Variants in TBL1X observed in about 807,000 individuals in gnomAD.
TBL1X encodes the protein transducin beta like 1 X-linked.
TBL1X carries 10 observed loss-of-function variants against 50.7 expected under a neutral mutation model. The observed-to-expected ratio is 0.20, with a 90% CI of 0.12 to 0.33. TBL1X has a LOEUF of 0.33. Ranked by LOEUF, TBL1X falls within the 10% of genes least tolerant of loss-of-function variation. The pLI, the probability that TBL1X is intolerant of heterozygous loss-of-function variation, is 1.00. For missense variants in TBL1X, 340 were observed against 504.4 expected, an observed-to-expected ratio of 0.67 and a Z score of 3.12; for synonymous variants, 190 against 214.7, an observed-to-expected ratio of 0.88 and a Z score of 1.01.
chrX:9,585,350 G>A (rs867240262), intron 2 of TBL1X, among the ~76,000 whole-genome samples: 8 of 28,680 alleles, frequency 2.8e-4, no homozygotes, highest in Non-Finnish European at 4.0e-4. Context: ...TCCCCCCCCC[G>A]CCACAGCTTG....
At chrX:9,518,648 C>T (rs985469310) in intron 2 of TBL1X, among the ~76,000 whole-genome samples, 4 of 111,494 alleles carry the variant, frequency 3.6e-5, no homozygotes, top group Middle Eastern at 4.2e-3. Flanking sequence ...AGGTGTGGGT[C>T]ACCTCTGTGC....
chrX:9,536,236 C>T (rs1024951910), intron 2 of TBL1X, among the ~76,000 whole-genome samples: 1 of 106,602 alleles, frequency 9.4e-6, no homozygotes, highest in Non-Finnish European at 1.9e-5. Context: ...TCTTGTTTGC[C>T]CCAGCATCAG....
chrX:9,596,147 G>C (rs998902943), intron 2 of TBL1X, among the ~76,000 whole-genome samples: 3 of 112,257 alleles, frequency 2.7e-5, no homozygotes, highest in African/African-American at 9.7e-5. Context: ...CCAAACTGTT[G>C]TATTAGCCAG....
chrX:9,609,032 G>T (rs2082598573), intron 2 of TBL1X, among the ~76,000 whole-genome samples: 1 of 111,896 alleles, frequency 8.9e-6, no homozygotes, highest in African/African-American at 3.2e-5. Flanking sequence ...GGGTTGGTCA[G>T]TATATACCTA....
chrX:9,503,639 A>G (rs2146952299), intron 2 of TBL1X, among the ~76,000 whole-genome samples: 1 of 113,390 alleles, frequency 8.8e-6, no homozygotes, highest in East Asian at 2.8e-4. Context: ...CCCACAGCCC[A>G]ACACACTGGC....
At chrX:9,544,484 T>G (rs75761738) in intron 2 of TBL1X, among the ~76,000 whole-genome samples, 1 of 106,829 alleles carries the variant, frequency 9.4e-6, no homozygotes, top group Non-Finnish European at 1.9e-5. Flanking sequence ...AGTGAGTGGG[T>G]TTTTTTTTTT....
intron 17 of TBL1X, among the ~76,000 whole-genome samples, chrX:9,715,921 G>T (rs1275867460): frequency 8.9e-6 from 1 of 112,300 alleles, no homozygotes; most frequent in South Asian, 3.7e-4. Flanking sequence ...ATTGTCATCT[G>T]CCCCACGATT....
At chrX:9,491,793 C>T (rs1439379965) in intron 1 of TBL1X, among the ~76,000 whole-genome samples, 1 of 110,783 alleles carries the variant, frequency 9.0e-6, no homozygotes, top group Non-Finnish European at 1.9e-5. Flanking sequence ...AGCTGACAGC[C>T]TCCTTTCTTC....
At chrX:9,491,280 C>T (rs551982499) in intron 1 of TBL1X, among the ~76,000 whole-genome samples, 1 of 99,624 alleles carries the variant, frequency 1.0e-5, no homozygotes, top group African/African-American at 3.7e-5. Context: ...ACTGCACCAC[C>T]GCATCACCGC....
chrX:9,617,196 C>T (rs2082643540), intron 2 of TBL1X, among the ~76,000 whole-genome samples: 2 of 111,224 alleles, frequency 1.8e-5, no homozygotes, highest in African/African-American at 6.5e-5. Context: ...AATGGTTGGG[C>T]CACGGCATTT....
At chrX:9,538,172 T>C (rs2082198550) in intron 2 of TBL1X, among the ~76,000 whole-genome samples, 1 of 111,767 alleles carries the variant, frequency 8.9e-6, no homozygotes, top group African/African-American at 3.3e-5. Flanking sequence ...TCCGTTAATG[T>C]TAAAATAGCA....
intron 2 of TBL1X, among the ~76,000 whole-genome samples, chrX:9,580,628 G>C (rs1439711412): frequency 9.0e-6 from 1 of 111,359 alleles, no homozygotes; most frequent in Non-Finnish European, 1.9e-5. Flanking sequence ...ATTTGAGGGA[G>C]ACATGAGGCA....
chrX:9,592,673 C>A (rs28527484), intron 2 of TBL1X, among the ~76,000 whole-genome samples: 14,025 of 111,234 alleles, frequency 0.13, 1,382 homozygotes, highest in African/African-American at 0.34. Flanking sequence ...TCTCTTTTTT[C>A]TCTTTATTTG....
Position 9,533,604 on chromosome X carries a change from G to T in TBL1X, c.-131+31755G>T, listed in dbSNP as rs142308747. Among the ~76,000 whole-genome samples, 1,052 of 111,221 alleles carry T rather than the reference G, an allele frequency of 9.5e-3. 13 individuals carry two copies. Among genetic ancestry groups the T allele is most frequent in the African/African-American group, 0.033 (1,011 of 30,617 alleles). Reference sequence around the variant, plus strand: ...GCCTTTTCTTTGTGGAGAAGTGAAGGCAGGACAATTTCCAAGGCAAAGAGG... The same window carrying T: ...GCCTTTTCTTTGTGGAGAAGTGAAGTCAGGACAATTTCCAAGGCAAAGAGG... On this transcript the variant is annotated intron_variant, in intron 2 of 17. Transcript: ENST00000645353.
chrX:9,670,934 G>A (rs922648820), intron 5 of TBL1X, among the ~76,000 whole-genome samples: 6 of 112,226 alleles, frequency 5.3e-5, no homozygotes, highest in African/African-American at 1.9e-4. Context: ...GAATAATAAA[G>A]GAAAACATTA....
At chrX:9,549,417 A>G (rs950188438) in intron 2 of TBL1X, among the ~76,000 whole-genome samples, 4 of 113,089 alleles carry the variant, frequency 3.5e-5, no homozygotes, top group African/African-American at 1.3e-4. Flanking sequence ...ATATAAAATG[A>G]AAGTGTCAAC....
intron 2 of TBL1X, chrX:9,637,182 C>G (rs958617819): frequency 5.4e-5 from 6 of 111,791 alleles, no homozygotes; most frequent in African/African-American, 2.0e-4. Flanking sequence ...TCTAAAACAT[C>G]GGAAAACAAT....
At chrX:9,529,974 C>T (rs1029533304) in intron 2 of TBL1X, among the ~76,000 whole-genome samples, 1 of 110,630 alleles carries the variant, frequency 9.0e-6, no homozygotes, top group African/African-American at 3.3e-5. Flanking sequence ...AGAAAGAAAC[C>T]TCCATGGCAG....
At chrX:9,665,540 A>ATATATATATATATATAT (rs1569091686) in intron 5 of TBL1X, among the ~76,000 whole-genome samples, 1 of 32,949 alleles carries the variant, frequency 3.0e-5, no homozygotes, top group Non-Finnish European at 5.4e-5. Flanking sequence ...TATATATATA[A>ATATATATATATATATAT]AAGGCCTTGG....
Sources: allele counts gnomAD v4.1 joint callset (sites outside exome capture counted in the v4.1 genomes callset), GRCh38; gene constraint gnomAD v4.1.1; transcripts MANE v1.5; gene names NCBI Gene and HGNC (gene_info 2026-07-23, HGNC 2026-07-21).